FHIP1A: variants seen among roughly 807,000 people sequenced by gnomAD.
FHIP1A encodes the protein FHF complex subunit HOOK interacting protein 1A.
Under a neutral mutation model 88.6 loss-of-function variants are expected in FHIP1A, and 61 were observed. The ratio of observed to expected loss-of-function variants is 0.69; its 90% confidence interval spans 0.56 to 0.85. The LOEUF is 0.85. Ranked by LOEUF, FHIP1A falls within the 40% of genes least tolerant of loss-of-function variation. The pLI is 0.00. For missense variants in FHIP1A, 1,154 were observed against 1,273.5 expected (o/e 0.91, Z 1.43); for synonymous variants, 478 against 496.0 (o/e 0.96, Z 0.48).
At chr4:151,607,840 C>A (rs76751153) in intron 7 of FHIP1A, among the ~76,000 whole-genome samples, 4,282 of 152,198 alleles carry the variant, frequency 0.028, 90 homozygotes, top group Non-Finnish European at 0.042. Flanking sequence ...AAGTAACCAG[C>A]TGAATCTCTA....
chr4:151,511,860 CACAG>C (rs1276019692), intron 3 of FHIP1A, among the ~76,000 whole-genome samples: 1 of 152,252 alleles, frequency 6.6e-6, no homozygotes, highest in Non-Finnish European at 1.5e-5. Flanking sequence ...GGGGGCAGGG[CACAG>C]ACAAACAAAA....
chr4:151,490,266 C>T (rs1730235262), intron 3 of FHIP1A, among the ~76,000 whole-genome samples: 1 of 152,228 alleles, frequency 6.6e-6, no homozygotes, highest in Admixed American at 6.5e-5. Context: ...TTACTCCCCT[C>T]CCACTTCCAC....
At chr4:151,541,765 G>A (rs1017361177) in intron 3 of FHIP1A, among the ~76,000 whole-genome samples, 2 of 152,118 alleles carry the variant, frequency 1.3e-5, no homozygotes, top group African/African-American at 4.8e-5. Flanking sequence ...GGGCTCTGTC[G>A]GTAGTAGCCA....
At chr4:151,570,229 C>T (rs949118229) in intron 4 of FHIP1A, among the ~76,000 whole-genome samples, 7 of 152,164 alleles carry the variant, frequency 4.6e-5, no homozygotes, top group Non-Finnish European at 8.8e-5. Context: ...CTCCTGGCAG[C>T]GTCCATCATG....
intron 3 of FHIP1A, among the ~76,000 whole-genome samples, chr4:151,523,618 G>A (rs1731523547): frequency 1.3e-5 from 2 of 152,190 alleles, no homozygotes; most frequent in South Asian, 4.1e-4. Flanking sequence ...GGAGCACAGT[G>A]TGAGCAAAGC....
intron 3 of FHIP1A, among the ~76,000 whole-genome samples, chr4:151,535,207 C>T (rs1732023085): frequency 6.6e-6 from 1 of 152,124 alleles, no homozygotes; most frequent in South Asian, 2.1e-4. Context: ...CAGAGCAAGA[C>T]CCTGTCTCAA....
intron 11 of FHIP1A, among the ~76,000 whole-genome samples, chr4:151,654,856 C>T (rs944580686): frequency 6.6e-6 from 1 of 152,140 alleles, no homozygotes; most frequent in Non-Finnish European, 1.5e-5. Context: ...CTCTGCCTCC[C>T]GTCCCAAGGA....
intron 3 of FHIP1A, among the ~76,000 whole-genome samples, chr4:151,510,018 G>T (rs1560738605): frequency 1.3e-5 from 2 of 152,084 alleles, no homozygotes; most frequent in African/African-American, 2.4e-5. Flanking sequence ...TTCCTACTCT[G>T]GCCCTTTCCT....
At chr4:151,498,108 G>A (rs1730526481) in intron 3 of FHIP1A, among the ~76,000 whole-genome samples, 1 of 152,150 alleles carries the variant, frequency 6.6e-6, no homozygotes, top group African/African-American at 2.4e-5. Flanking sequence ...TTTGTATTCA[G>A]AGTTGAGTCC....
At chr4:151,489,804 C>A (rs531664422) in intron 3 of FHIP1A, among the ~76,000 whole-genome samples, 6 of 152,156 alleles carry the variant, frequency 3.9e-5, no homozygotes, top group African/African-American at 1.4e-4. Flanking sequence ...CCTCAGTGGC[C>A]GCAGCAAATC....
chr4:151,421,597 C>T (rs940585108), intron 1 of FHIP1A, among the ~76,000 whole-genome samples: 1 of 152,066 alleles, frequency 6.6e-6, no homozygotes, highest in African/African-American at 2.4e-5. Context: ...AATACATAGA[C>T]CAGTGCATGA....
At chr4:151,608,174 A>G (rs957512636) in intron 7 of FHIP1A, among the ~76,000 whole-genome samples, 3 of 148,140 alleles carry the variant, frequency 2.0e-5, no homozygotes, top group Non-Finnish European at 3.0e-5. Context: ...CCTCCCAAGT[A>G]GCTGGGATTA....
intron 1 of FHIP1A, among the ~76,000 whole-genome samples, chr4:151,427,586 T>G (rs752468593): frequency 8.5e-5 from 13 of 152,144 alleles, no homozygotes; most frequent in Non-Finnish European, 1.8e-4. Context: ...TAAGGATGAC[T>G]ACATTTTGTA....
At chr4:151,410,570 T>C (rs1175270207) in intron 1 of FHIP1A, among the ~76,000 whole-genome samples, 1 of 152,222 alleles carries the variant, frequency 6.6e-6, no homozygotes, top group Non-Finnish European at 1.5e-5. Context: ...TTTCCTCTCC[T>C]TAATGTATTA....
At chr4:151,659,271 A>G (rs1694155012) in intron 13 of FHIP1A, among the ~76,000 whole-genome samples, 3 of 152,146 alleles carry the variant, frequency 2.0e-5, no homozygotes, top group Non-Finnish European at 2.9e-5. Flanking sequence ...TAGCCAAGTC[A>G]TACTCTTCCC....
chr4:151,650,961 C>T (rs910647123), intron 11 of FHIP1A, among the ~76,000 whole-genome samples: 3 of 152,166 alleles, frequency 2.0e-5, no homozygotes, highest in African/African-American at 7.2e-5. Flanking sequence ...TTATTTTTAA[C>T]AAATGACTGT....
At chr4:151,590,551 T>C (rs1375489062) in intron 7 of FHIP1A, among the ~76,000 whole-genome samples, 1 of 152,232 alleles carries the variant, frequency 6.6e-6, no homozygotes, top group Non-Finnish European at 1.5e-5. Flanking sequence ...TTCTCCACAG[T>C]GGTATGCGTG....
chr4:151,602,031 A>G (rs1437726813), intron 7 of FHIP1A, among the ~76,000 whole-genome samples: 1 of 151,992 alleles, frequency 6.6e-6, no homozygotes, highest in East Asian at 1.9e-4. Flanking sequence ...GACTTATTCA[A>G]TGTCACCAGA....
At chr4:151,658,730 G>A (rs769608554) in intron 13 of FHIP1A, among the ~76,000 whole-genome samples, 1 of 152,136 alleles carries the variant, frequency 6.6e-6, no homozygotes, top group African/African-American at 2.4e-5. Context: ...GACAAGGCCT[G>A]GTCTTCATTG....
Sources: allele counts gnomAD v4.1 joint callset (sites outside exome capture counted in the v4.1 genomes callset), GRCh38; gene constraint gnomAD v4.1.1; transcripts MANE v1.5; gene names NCBI Gene and HGNC (gene_info 2026-07-23, HGNC 2026-07-21).